The following MTFR1L variants were observed in gnomAD, a reference collection of about 807,000 sequenced individuals.
MTFR1L encodes the protein mitochondrial fission regulator 1-like.
In MTFR1L, 10 loss-of-function variants were observed where a neutral mutation model predicts 27.9. The ratio of observed to expected loss-of-function variants is 0.36; its 90% CI spans 0.22 to 0.61. MTFR1L has a LOEUF of 0.61. Ranked by LOEUF, MTFR1L falls within the 20% of genes least tolerant of loss-of-function variation. The probability of loss-of-function intolerance (pLI) is 0.73; values close to 1 mark genes in which losing one functional copy is unlikely to be tolerated. For synonymous variants in MTFR1L, 151 were observed against 139.4 expected, an observed-to-expected ratio of 1.08 and a Z score of -0.58; for missense variants, 315 against 363.7, an observed-to-expected ratio of 0.87 and a Z score of 1.09.
At chr1:25,821,145 T>C (rs2048086743) in intron 1 of MTFR1L, 3 of 192,028 alleles carry the variant, frequency 1.6e-5, no homozygotes, top group African/African-American at 4.8e-5. Context: ...TTGGGACTGA[T>C]TGTGGATTTT....
intron 1 of MTFR1L, chr1:25,820,481 G>T (rs945167263): frequency 1.1e-5 from 4 of 370,838 alleles, no homozygotes; most frequent in Non-Finnish European, 2.0e-5. Context: ...GAGGGTCCGC[G>T]CGGGTCTCCG....
intron 6 of MTFR1L, 54 bp from the exon 7 acceptor site, chr1:25,831,867 T>G: frequency 7.3e-7 from 1 of 1,373,658 alleles, no homozygotes; most frequent in East Asian, 2.3e-5. Flanking sequence ...ATTCAAAAGA[T>G]ATACAGCACT....
At position 25,826,110 on chromosome 1, in the gene MTFR1L, A is replaced by C. The variant is rs933674151; in HGVS notation, c.130-192A>C. 5.4e-6 allele frequency: 3 copies of C among 553,746 alleles called. No individual in the cohort carries two copies. The African/African-American group carries it at 5.7e-5, about 10-fold the overall frequency. The allele number at this position is 553,746 out of a possible 1,614,324, so 34.3% of individuals were successfully genotyped here. A position where few individuals can be genotyped will look rare whatever the true frequency, so the allele number is the denominator to read the frequency against. On this transcript the variant is annotated intron_variant, in intron 3 of 6. Coordinates refer to ENST00000374303, the MANE Select transcript of MTFR1L (RefSeq NM_001099625.2). The surrounding 1 kb of genome is among the most constrained non-coding windows in gnomAD (Gnocchi z 4.1). The stretch of plus-strand genomic sequence containing the variant: ...TCGGCCTCCCAAATGCTGGGATTAC[A>C]GGTGTGAGCCACCATGCCTGACTGT...
intron 5 of MTFR1L, among the ~76,000 whole-genome samples, chr1:25,827,308 A>C (rs1473221556): frequency 7.1e-6 from 1 of 141,520 alleles, no homozygotes; most frequent in East Asian, 2.1e-4. Flanking sequence ...GCTAATTTTT[A>C]TATTTTTAGT....
intron 5 of MTFR1L, among the ~76,000 whole-genome samples, chr1:25,827,974 C>G (rs544178172): frequency 6.6e-6 from 1 of 152,298 alleles, no homozygotes; most frequent in South Asian, 2.1e-4. Context: ...ATCCACTTGC[C>G]TCAGCCTCCC....
At chr1:25,820,278 G>A (rs1398681117) in intron 1 of MTFR1L, 11 of 455,980 alleles carry the variant, frequency 2.4e-5, no homozygotes, top group Admixed American at 7.0e-5. Context: ...CGGCTTCGCT[G>A]CTTGACGGGC....
In MTFR1L at chr1:25,826,783, C is replaced by T; in HGVS notation, c.408C>T (p.Ser136=). The T allele has an allele frequency of 6.2e-7, 1 of 1,614,104 alleles. No homozygotes were observed. The highest frequency in any genetic ancestry group is 2.2e-5 in the East Asian group (1 of 44,880). ...CTACTGAGCTGCAGGACGAGCTGAG[C>T]CACTTGCGCAGCCAGATTGCAAAGA... ...SRTTELQDEL[S]HLRSQIAKIV... Residue 136 remains serine, a synonymous_variant, in exon 5 of 7, where the codon AGC becomes AGT. Transcript: ENST00000374303. The surrounding 1 kb of genome is among the most constrained non-coding windows in gnomAD (Gnocchi z 4.1).
At chr1:25,829,470 G>GC (rs2048208534) in intron 5 of MTFR1L, 39 bp from the exon 6 acceptor site, 3 of 1,565,058 alleles carry the variant, frequency 1.9e-6, no homozygotes, top group Non-Finnish European at 2.6e-6. Context: ...CTGTGTTCTA[G>GC]CCCCAATGTC....
intron 1 of MTFR1L, 61 bp from the exon 2 acceptor site, chr1:25,822,958 G>A: frequency 6.9e-7 from 1 of 1,443,646 alleles, no homozygotes; most frequent in Non-Finnish European, 9.7e-7. Flanking sequence ...CTTGTGTGGT[G>A]ACCATTAAAT....
Position 25,826,968 on chromosome 1 carries a change from C to T in MTFR1L, c.451+142C>T, listed in dbSNP as rs932266539. ...GCCCTGGGGTTGTCCTGAAGCCTGG[C>T]TAGCCAGTAGTGCCTCTTAGATGGT... On this transcript the variant is annotated intron_variant, in intron 5 of 6. Transcript: ENST00000374303. This position sits in a 1 kb window ranked among gnomAD's most constrained non-coding sequence, Gnocchi z 4.1. The T allele has an allele frequency of 4.3e-6, 4 of 928,516 alleles. No individual in the cohort carries two copies. Among genetic ancestry groups the T allele is most frequent in the Non-Finnish European group, 1.6e-6 (1 of 617,196 alleles). The allele number at this position is 928,516 out of a possible 1,614,324, so 57.5% of individuals were successfully genotyped here. A position where few individuals can be genotyped will look rare whatever the true frequency, so the allele number is the denominator to read the frequency against.
Position 25,826,925 on chromosome 1 carries a change from C to A in MTFR1L, c.451+99C>A. ...AAAGAAAGTGGTAATCCTTGGTTTG[C>A]AGGTACTTAGGTTCCGGGCCCTGGG... On this transcript the variant is annotated intron_variant, in intron 5 of 6. Transcript: ENST00000374303. This position sits in a 1 kb window ranked among gnomAD's most constrained non-coding sequence, Gnocchi z 4.1. 1 of 1,375,192 alleles carries A rather than the reference C, an allele frequency of 7.3e-7. No homozygotes were observed. Among genetic ancestry groups the A allele is most frequent in the Non-Finnish European group, 1.0e-6 (1 of 1,004,762 alleles). The allele number at this position is 1,375,192 out of a possible 1,614,324, so 85.2% of individuals were successfully genotyped here.
intron 1 of MTFR1L, 49 bp downstream of exon 1, chr1:25,820,078 C>A: frequency 3.9e-5 from 16 of 414,160 alleles, no homozygotes; most frequent in South Asian, 1.2e-4. Flanking sequence ...GACCTTCCAG[C>A]CCGTTAGTAG....
At chr1:25,823,889 T>C (rs1220544973) in intron 3 of MTFR1L, 141 bp downstream of exon 3, 2 of 1,105,026 alleles carry the variant, frequency 1.8e-6, no homozygotes, top group Non-Finnish European at 1.3e-6. Flanking sequence ...GCTTATAAGA[T>C]ATCCTGGTCA....
rs1359885548 is a variant in MTFR1L at position 25,832,153 on chromosome 1, C to G, written c.*127C>G. ...CAACAGTCTTGCTGACAAGCTAGAG[C>G]TTGGACTGAAAGAGAAGAGCTGGAT... On this transcript the variant is annotated 3_prime_UTR_variant, in exon 7 of 7. Transcript: ENST00000374303. 1.3e-6 allele frequency: 2 copies of G among 1,568,804 alleles called. No individual in the cohort carries two copies. The highest frequency in any genetic ancestry group is 1.7e-6 in the Non-Finnish European group (2 of 1,160,328).
chr1:25,822,808 G>A, intron 1 of MTFR1L: 1 of 602,036 alleles, frequency 1.7e-6, no homozygotes, highest in Non-Finnish European at 2.9e-6. Context: ...TTACAGATGT[G>A]AGCCACTGCG....
At position 25,826,189 on chromosome 1, in the gene MTFR1L, G is replaced by A; in HGVS notation, c.130-113G>A. The stretch of plus-strand genomic sequence containing the variant: ...CAGGAACCTTCTTCTGCCCCCTCTA[G>A]GAAGCCTTCCTGACACCCAGTGCCG... On this transcript the variant is annotated intron_variant, in intron 3 of 6. Transcript: ENST00000374303. The surrounding 1 kb of genome is among the most constrained non-coding windows in gnomAD (Gnocchi z 4.1). 1.2e-6 allele frequency: 1 copy of A among 822,552 alleles called. No individual in the cohort carries two copies. The allele number at this position is 822,552 out of a possible 1,614,324, so 51.0% of individuals were successfully genotyped here.
intron 2 of MTFR1L, 104 bp downstream of exon 2, chr1:25,823,232 C>G: frequency 8.6e-7 from 1 of 1,167,680 alleles, no homozygotes; most frequent in Non-Finnish European, 1.3e-6. Flanking sequence ...GCACTCCTTT[C>G]TCCAGAGGCC....
chr1:25,822,854 C>A, intron 1 of MTFR1L, 165 bp from the exon 2 acceptor site: 1 of 537,620 alleles, frequency 1.9e-6, no homozygotes, highest in Non-Finnish European at 3.2e-6. Flanking sequence ...CTTTAAGAGT[C>A]TGGACTTAGA....
At chr1:25,827,218 C>T (rs1420378488) in intron 5 of MTFR1L, among the ~76,000 whole-genome samples, 1 of 151,518 alleles carries the variant, frequency 6.6e-6, no homozygotes, top group Non-Finnish European at 1.5e-5. Context: ...GTTCACTGCA[C>T]TCTGCCTCCC....
Sources: gnomAD v4.1 joint callset for allele counts (sites outside exome capture counted in the v4.1 genomes callset) on GRCh38, gnomAD v4.1.1 for gene constraint, Gnocchi (gnomAD v3.1) non-coding constraint, MANE v1.5 for transcripts, NCBI Gene and HGNC (gene_info 2026-07-23, HGNC 2026-07-21) for gene names.